The following PCDH15 variants were observed in gnomAD, a reference collection of about 807,000 sequenced individuals.
PCDH15 encodes the protein protocadherin-15.
In PCDH15, 129 loss-of-function variants were observed where a neutral mutation model predicts 178.5. The observed-to-expected ratio is 0.72, with a 90% CI of 0.63 to 0.84. The LOEUF (loss-of-function observed/expected upper bound fraction) is 0.84, where lower values mean the gene tolerates loss of function less well. Ranked by LOEUF, PCDH15 falls within the 40% of genes least tolerant of loss-of-function variation. The probability of loss-of-function intolerance (pLI) is 0.00; values close to 1 mark genes in which losing one functional copy is unlikely to be tolerated. For missense variants in PCDH15, 2,230 were observed against 2,099.9 expected, an observed-to-expected ratio of 1.06 and a Z score of -1.21; for synonymous variants, 800 against 732.0, an observed-to-expected ratio of 1.09 and a Z score of -1.50.
chr10:55,149,887 G>A (rs1436018858), intron 2 of PCDH15, among the ~76,000 whole-genome samples: 1 of 151,958 alleles, frequency 6.6e-6, no homozygotes, highest in African/African-American at 2.4e-5. Context: ...AGAATGGTAT[G>A]TACATATTGG....
chr10:53,886,503 A>G (rs1304595820), intron 26 of PCDH15, among the ~76,000 whole-genome samples: 3 of 151,816 alleles, frequency 2.0e-5, no homozygotes, highest in African/African-American at 4.8e-5. Flanking sequence ...ATCAACATTG[A>G]CTTAAATAAA....
At chr10:55,084,751 A>C (rs759164746) in intron 2 of PCDH15, among the ~76,000 whole-genome samples, 2 of 152,102 alleles carry the variant, frequency 1.3e-5, no homozygotes, top group Admixed American at 6.6e-5. Flanking sequence ...CAATCTGATT[A>C]AACATTGGCT....
chr10:54,527,907 A>C (rs778977473), intron 2 of PCDH15, 30 bp from the exon 3 acceptor site: 2 of 1,563,878 alleles, frequency 1.3e-6, no homozygotes, highest in Non-Finnish European at 1.8e-6. Context: ...AAAAGTAATA[A>C]TTGACTGCAG....
chr10:53,928,400 A>T (rs2084758839), intron 25 of PCDH15, among the ~76,000 whole-genome samples: 1 of 152,104 alleles, frequency 6.6e-6, no homozygotes, highest in Non-Finnish European at 1.5e-5. Context: ...ACTATGCTAA[A>T]TCTTTAGCAA....
intron 2 of PCDH15, among the ~76,000 whole-genome samples, chr10:55,463,713 AT>A (rs1839728306): frequency 6.6e-6 from 1 of 151,774 alleles, no homozygotes. Flanking sequence ...TCAGCATTAC[AT>A]TTTTCAACTG....
chr10:55,045,840 C>T (rs1591856483), intron 2 of PCDH15, among the ~76,000 whole-genome samples: 1 of 152,034 alleles, frequency 6.6e-6, no homozygotes. Context: ...CCGCTATCAT[C>T]CTGAAGCACC....
At chr10:55,069,094 A>T (rs1463494046) in intron 2 of PCDH15, among the ~76,000 whole-genome samples, 2 of 148,502 alleles carry the variant, frequency 1.3e-5, no homozygotes, top group African/African-American at 5.0e-5. Flanking sequence ...TTTAGTAGAG[A>T]TAGGGGTTGC....
chr10:54,909,238 GC>G (rs1954778025), intron 2 of PCDH15, among the ~76,000 whole-genome samples: 1 of 152,128 alleles, frequency 6.6e-6, no homozygotes, highest in Admixed American at 6.6e-5. Context: ...GCCTTCCCTG[GC>G]TTGAAGGTGG....
intron 1 of PCDH15, among the ~76,000 whole-genome samples, chr10:54,683,146 A>T (rs1029527029): frequency 1.3e-5 from 2 of 152,106 alleles, no homozygotes; most frequent in African/African-American, 4.8e-5. Flanking sequence ...AAATATTTTT[A>T]ATTTTTTTCA....
intron 2 of PCDH15, among the ~76,000 whole-genome samples, chr10:54,530,078 T>C (rs1025442679): frequency 2.0e-5 from 3 of 152,058 alleles, no homozygotes; most frequent in Non-Finnish European, 4.4e-5. Flanking sequence ...AATTTGGATA[T>C]AAATATTTTT....
chr10:54,065,949 G>A lies in PCDH15; in HGVS notation c.2220+808C>T, dbSNP rs75585901. ...AAGCCTCACTTGAAAGCACCAGCAC[G>A]CCTTCTGTGGAAAAGTCAGAACCTT... On this transcript the variant is annotated intron_variant, in intron 18 of 37. Coordinates refer to ENST00000644397, the MANE Select transcript of PCDH15 (RefSeq NM_001384140.1). 8.0e-3 allele frequency among the ~76,000 whole-genome samples: 1,211 copies of A among 152,220 alleles called. 21 individuals are homozygous for A. Among genetic ancestry groups the A allele is most frequent in the African/African-American group, 0.026 (1,098 of 41,540 alleles).
At chr10:54,335,712 T>C (rs1283544912) in intron 6 of PCDH15, among the ~76,000 whole-genome samples, 2 of 152,148 alleles carry the variant, frequency 1.3e-5, no homozygotes, top group African/African-American at 4.8e-5. Context: ...AACCTCTTTT[T>C]CTTTATACAT....
intron 19 of PCDH15, among the ~76,000 whole-genome samples, chr10:54,022,391 A>G (rs1336280991): frequency 6.6e-6 from 1 of 151,982 alleles, no homozygotes; most frequent in African/African-American, 2.4e-5. Flanking sequence ...TAGAGGGGAA[A>G]CCAATTTGTA....
At position 54,793,833 on chromosome 10, in the gene PCDH15, C is replaced by A. The variant is rs1951683583; in HGVS notation, c.-29+7092G>T. Among the ~76,000 whole-genome samples, 6 of 148,714 alleles carry A rather than the reference C, an allele frequency of 4.0e-5. No individual in the cohort carries two copies. The Admixed American group carries it at 4.0e-4, about 10-fold the overall frequency. On this transcript the variant is annotated intron_variant, in intron 1 of 37. Coordinates refer to ENST00000644397, the MANE Select transcript of PCDH15 (RefSeq NM_001384140.1). ...TAGCGTAATAGGAAGAAAACAATATCTTGAATCAGTAAATCAAAAGATAAC... is the reference window on the plus strand; with the variant it reads ...TAGCGTAATAGGAAGAAAACAATATATTGAATCAGTAAATCAAAAGATAAC...
intron 1 of PCDH15, among the ~76,000 whole-genome samples, chr10:54,731,476 A>G (rs1943320938): frequency 6.8e-6 from 1 of 147,682 alleles, no homozygotes; most frequent in Non-Finnish European, 1.5e-5. Flanking sequence ...TTATTGCAGC[A>G]CTATTTGCTA....
intron 14 of PCDH15, among the ~76,000 whole-genome samples, chr10:54,146,013 A>T (rs970740503): frequency 6.6e-6 from 1 of 152,010 alleles, no homozygotes; most frequent in Admixed American, 6.6e-5. Context: ...CTGTGCCTGC[A>T]TCTGAATCCC....
intron 1 of PCDH15, among the ~76,000 whole-genome samples, chr10:55,238,191 A>G (rs937446039): frequency 3.9e-5 from 5 of 128,912 alleles, no homozygotes; most frequent in African/African-American, 1.5e-4. Context: ...TCTGTCGCCC[A>G]GGCTGGAGTG....
At chr10:55,181,021 T>A (rs1839634640) in intron 1 of PCDH15, among the ~76,000 whole-genome samples, 1 of 151,946 alleles carries the variant, frequency 6.6e-6, no homozygotes, top group Non-Finnish European at 1.5e-5. Flanking sequence ...ACCTAGATGA[T>A]TAGGAATTGG....
intron 28 of PCDH15, among the ~76,000 whole-genome samples, chr10:53,854,210 A>G (rs2132985138): frequency 6.6e-6 from 1 of 152,146 alleles, no homozygotes; most frequent in African/African-American, 2.4e-5. Context: ...TTAAAGTAGT[A>G]AAATTTATAC....
Sources: allele counts gnomAD v4.1 joint callset (sites outside exome capture counted in the v4.1 genomes callset), GRCh38; gene constraint gnomAD v4.1.1; transcripts MANE v1.5; gene names NCBI Gene and HGNC (gene_info 2026-07-23, HGNC 2026-07-21).